NINJ1: variants seen among roughly 807,000 people sequenced by gnomAD.
NINJ1 encodes ninjurin 1.
Under a neutral mutation model 12.7 loss-of-function variants are expected in NINJ1, and 6 were observed. The ratio of observed to expected loss-of-function variants is 0.47; its 90% CI spans 0.26 to 0.93. The LOEUF (loss-of-function observed/expected upper bound fraction) is 0.93, where lower values mean the gene tolerates loss of function less well. Ranked by LOEUF, NINJ1 falls within the 40% of genes least tolerant of loss-of-function variation. NINJ1 has a pLI of 0.15. For missense variants in NINJ1, 170 were observed against 213.0 expected, an observed-to-expected ratio of 0.80 and a Z score of 1.26; for synonymous variants, 100 against 96.0, an observed-to-expected ratio of 1.04 and a Z score of -0.25.
chr9:93,127,449 C>T (rs1364500261), intron 1 of NINJ1, among the ~76,000 whole-genome samples: 1 of 152,202 alleles, frequency 6.6e-6, no homozygotes, highest in Non-Finnish European at 1.5e-5. Flanking sequence ...CAGACACTCT[C>T]AAGCTCCAAG....
At chr9:93,125,171 T>A in intron 2 of NINJ1, 109 bp from the exon 3 acceptor site, 1 of 1,069,002 alleles carries the variant, frequency 9.4e-7, no homozygotes, top group Non-Finnish European at 1.3e-6. Context: ...CCTGGGACAT[T>A]ACAGGGCTCT....
rs1324676770 is a variant in NINJ1 at position 93,134,138 on chromosome 9, C to A, written c.75+5G>T. The A allele has an allele frequency of 5.1e-6, 8 of 1,556,302 alleles. No homozygotes were observed. The highest frequency in any genetic ancestry group is 7.0e-6 in the Non-Finnish European group (8 of 1,150,462). On this transcript the variant is annotated splice_donor_5th_base_variant and intron_variant, in intron 1 of 3. Transcript: ENST00000375446. ...GATCATGCAGCGGTGGGGGGAAGGT[C>A]TTACCGAGGCGTCCGGGGAGCCGGG... is the stretch of plus-strand genomic sequence containing the variant.
intron 3 of NINJ1, among the ~76,000 whole-genome samples, chr9:93,123,011 C>G (rs1827756119): frequency 6.6e-6 from 1 of 152,256 alleles, no homozygotes. Context: ...AGCATCTGGA[C>G]AGTGACTCGG....
chr9:93,126,304 T>A, intron 2 of NINJ1, 106 bp downstream of exon 2: 1 of 938,312 alleles, frequency 1.1e-6, no homozygotes, highest in Non-Finnish European at 1.6e-6. Flanking sequence ...ACTCGGCAGC[T>A]CCTTGAGAGC....
rs199516702 is a variant in NINJ1, at chr9:93,125,008, T to C, written c.359A>G (p.Asn120Ser). The change falls in exon 3 of 4, where the codon AAC becomes AGC. Residue 120 changes from asparagine to serine, a missense_variant. By Grantham distance (46) the Asn-to-Ser change is conservative. Coordinates refer to ENST00000375446, the MANE Select transcript of NINJ1 (RefSeq NM_004148.4). ...GATGAACACCAGGCCCGTGGCCAGG[T>C]TGTTGAGGAAGTCCAGCTTGGCGTG... Reference protein sequence around the residue: ...AKHAKLDFLNNLATGLVFIIV... With the variant: ...AKHAKLDFLNSLATGLVFIIV... 4 of 1,613,934 alleles carry C rather than the reference T, an allele frequency of 2.5e-6. No homozygotes were observed. The Admixed American group carries it at 6.7e-5, about 27-fold the overall frequency.
At position 93,125,059 on chromosome 9, in the gene NINJ1, T is replaced by C. The variant is rs1466054647; in HGVS notation, c.308A>G (p.Lys103Arg). Residue 103 changes from lysine (K) to arginine (R), a missense_variant, in exon 3 of 4, where the codon AAG (lysine) becomes AGG (arginine). Coordinates refer to ENST00000375446, the MANE Select transcript of NINJ1 (RefSeq NM_004148.4). ...GVGVLLIFLV[K>R]YDLNNPAKHA... is the part of the protein sequence containing the mutation. The stretch of plus-strand genomic sequence containing the variant: ...CTTGGCCGGGTTGTTAAGGTCGTAC[T>C]TGACTGTGGGCGAGAGAGGAGTGGA... 11 of 1,611,324 alleles carry C rather than the reference T, an allele frequency of 6.8e-6. No homozygotes were observed. The highest frequency in any genetic ancestry group is 1.3e-5 in the African/African-American group (1 of 74,894).
chr9:93,133,558 C>G (rs1174868903), intron 1 of NINJ1, among the ~76,000 whole-genome samples: 1 of 152,240 alleles, frequency 6.6e-6, no homozygotes, highest in Non-Finnish European at 1.5e-5. Flanking sequence ...GCGGCATACA[C>G]TGAAGGCTGT....
intron 1 of NINJ1, among the ~76,000 whole-genome samples, chr9:93,133,875 G>A (rs1437455517): frequency 6.6e-6 from 1 of 152,214 alleles, no homozygotes; most frequent in Non-Finnish European, 1.5e-5. Context: ...CCGCCGTGCA[G>A]CCAAGCGCGG....
chr9:93,130,074 G>A (rs1469473339), intron 1 of NINJ1, among the ~76,000 whole-genome samples: 3 of 152,234 alleles, frequency 2.0e-5, no homozygotes, highest in African/African-American at 7.2e-5. Context: ...CAGTGCCCAT[G>A]GCTTGGGCAG....
At chr9:93,123,959 A>G (rs771083567) in intron 3 of NINJ1, among the ~76,000 whole-genome samples, 16 of 152,206 alleles carry the variant, frequency 1.1e-4, no homozygotes, top group Admixed American at 4.6e-4. Context: ...GTCTTCCTAC[A>G]CTGGGTGCCT....
At chr9:93,126,241 G>A (rs1827807261) in intron 2 of NINJ1, 169 bp downstream of exon 2, 12 of 578,478 alleles carry the variant, frequency 2.1e-5, no homozygotes, top group Admixed American at 3.5e-5. Flanking sequence ...GCAGGGTGGG[G>A]GGAGGGGGGG....
chr9:93,128,491 C>T (rs534499783), intron 1 of NINJ1, among the ~76,000 whole-genome samples: 56 of 152,350 alleles, frequency 3.7e-4, no homozygotes, highest in South Asian at 4.1e-4. Context: ...TGAGGACAGC[C>T]CGGACACAAG....
intron 1 of NINJ1, among the ~76,000 whole-genome samples, chr9:93,129,566 C>T (rs11792871): frequency 0.19 from 28,844 of 152,172 alleles, 3,386 homozygotes; most frequent in African/African-American, 0.32. Flanking sequence ...GTGGCCCTGA[C>T]GCAAGCTCCC....
intron 1 of NINJ1, among the ~76,000 whole-genome samples, chr9:93,130,484 G>T (rs1587666207): frequency 6.6e-6 from 1 of 152,352 alleles, no homozygotes; most frequent in South Asian, 2.1e-4. Context: ...CACAAATGTG[G>T]TGATGCATAT....
intron 1 of NINJ1, among the ~76,000 whole-genome samples, chr9:93,130,262 C>T (rs1587666068): frequency 6.6e-6 from 1 of 152,290 alleles, no homozygotes; most frequent in South Asian, 2.1e-4. Context: ...TCGGCCTCCC[C>T]ACTGCAGGCT....
chr9:93,128,486 A>G (rs573321960), intron 1 of NINJ1, among the ~76,000 whole-genome samples: 1 of 152,322 alleles, frequency 6.6e-6, no homozygotes, highest in East Asian at 1.9e-4. Context: ...CTGGGTGAGG[A>G]CAGCCCGGAC....
intron 1 of NINJ1, among the ~76,000 whole-genome samples, chr9:93,127,877 G>A (rs1157226916): frequency 2.0e-5 from 3 of 152,380 alleles, no homozygotes; most frequent in South Asian, 4.1e-4. Flanking sequence ...CCACAGGGAG[G>A]GGCGGACATG....
At chr9:93,127,822 C>T (rs1213329215) in intron 1 of NINJ1, among the ~76,000 whole-genome samples, 1 of 152,216 alleles carries the variant, frequency 6.6e-6, no homozygotes, top group African/African-American at 2.4e-5. Context: ...ATCCTGTTTC[C>T]AGACTCATGA....
chr9:93,132,271 C>A (rs978375656), intron 1 of NINJ1, among the ~76,000 whole-genome samples: 2 of 152,200 alleles, frequency 1.3e-5, no homozygotes, highest in Non-Finnish European at 2.9e-5. Flanking sequence ...GTTTTCTACC[C>A]CTCAAGGGGA....
Sources: allele counts gnomAD v4.1 joint callset (sites outside exome capture counted in the v4.1 genomes callset), GRCh38; gene constraint gnomAD v4.1.1; transcripts MANE v1.5; gene names NCBI Gene and HGNC (gene_info 2026-07-23, HGNC 2026-07-21).